TMEM132D: variants seen among roughly 807,000 people sequenced by gnomAD.
The protein encoded by TMEM132D is transmembrane protein 132D.
TMEM132D carries 21 observed loss-of-function variants against 62.3 expected under a neutral mutation model. The observed-to-expected ratio is 0.34, with a 90% CI of 0.24 to 0.49. The LOEUF is 0.49. TMEM132D is among the 20% of genes least tolerant of loss of function. The probability of loss-of-function intolerance (pLI) is 0.99; values close to 1 mark genes in which losing one functional copy is unlikely to be tolerated. For missense variants in TMEM132D, 1,346 were observed against 1,402.8 expected, an observed-to-expected ratio of 0.96 and a Z score of 0.65; for synonymous variants, 621 against 575.6, an observed-to-expected ratio of 1.08 and a Z score of -1.13.
At chr12:129,089,748 C>T (rs1337054340) in intron 5 of TMEM132D, among the ~76,000 whole-genome samples, 2 of 152,234 alleles carry the variant, frequency 1.3e-5, no homozygotes, top group Non-Finnish European at 2.9e-5. Context: ...CACAGCCACC[C>T]CAGCAGGCAC....
chr12:129,447,797 T>C (rs1873148957), intron 3 of TMEM132D, among the ~76,000 whole-genome samples: 1 of 152,114 alleles, frequency 6.6e-6, no homozygotes, highest in African/African-American at 2.4e-5. Flanking sequence ...GGAAACAGCA[T>C]CAGGTTCAGG....
At chr12:129,127,319 G>A (rs1026748038) in intron 5 of TMEM132D, among the ~76,000 whole-genome samples, 4 of 152,102 alleles carry the variant, frequency 2.6e-5, no homozygotes, top group Non-Finnish European at 4.4e-5. Context: ...ACCTCTTTGT[G>A]ACAAATGCCT....
chr12:129,318,125 C>T (rs1258985393), intron 4 of TMEM132D, among the ~76,000 whole-genome samples: 2 of 152,286 alleles, frequency 1.3e-5, no homozygotes, highest in African/African-American at 4.8e-5. Context: ...AACTAACCTC[C>T]TGAACTCTTT....
At position 129,517,500 on chromosome 12, in the gene TMEM132D, C is replaced by T. The variant is rs557559946; in HGVS notation, c.1115+13559G>A. Among the ~76,000 whole-genome samples, 3 of 152,202 alleles carry T rather than the reference C, an allele frequency of 2.0e-5. No individual in the cohort carries two copies. In the South Asian group the frequency reaches 6.2e-4, roughly 32 times the overall value. On this transcript the variant is annotated intron_variant, in intron 3 of 8. Coordinates refer to ENST00000422113, the MANE Select transcript of TMEM132D (RefSeq NM_133448.3). ...GGTGAGGAAGACAGAGAAGCCAGGGCCATTCAGTGGGGAAGACATTAGCTG... is the reference window on the plus strand; with the variant it reads ...GGTGAGGAAGACAGAGAAGCCAGGGTCATTCAGTGGGGAAGACATTAGCTG...
intron 3 of TMEM132D, among the ~76,000 whole-genome samples, chr12:129,492,391 T>C (rs144722344): frequency 1.6e-4 from 24 of 152,336 alleles, no homozygotes; most frequent in African/African-American, 5.8e-4. Flanking sequence ...AATTTGTCTA[T>C]AAAGTGATGG....
intron 1 of TMEM132D, among the ~76,000 whole-genome samples, chr12:129,751,066 C>T (rs1235137410): frequency 6.6e-6 from 1 of 152,122 alleles, no homozygotes; most frequent in African/African-American, 2.4e-5. Context: ...TCATTGTGGA[C>T]ATAATTCCTG....
At chr12:129,275,243 T>C (rs980412501) in intron 4 of TMEM132D, among the ~76,000 whole-genome samples, 1 of 152,108 alleles carries the variant, frequency 6.6e-6, no homozygotes, top group Non-Finnish European at 1.5e-5. Context: ...ATTGCACCAC[T>C]GCACTACAGC....
chr12:129,568,131 G>A (rs1207642828), intron 2 of TMEM132D, among the ~76,000 whole-genome samples: 6 of 152,252 alleles, frequency 3.9e-5, no homozygotes, highest in Non-Finnish European at 4.4e-5. Flanking sequence ...GGAACAGTCT[G>A]AGGATACAGC....
At chr12:129,139,499 A>G (rs1414038555) in intron 5 of TMEM132D, among the ~76,000 whole-genome samples, 1 of 152,196 alleles carries the variant, frequency 6.6e-6, no homozygotes, top group African/African-American at 2.4e-5. Context: ...TCAGGACAGC[A>G]GCAGAGAAAG....
At position 129,642,920 on chromosome 12, in the gene TMEM132D, C is replaced by CTTTTT. The variant is rs71082742; in HGVS notation, c.968+56885_968+56889dup. Among the ~76,000 whole-genome samples the CTTTTT allele has an allele frequency of 1.3e-3, 139 of 105,544 alleles. 2 individuals carry two copies. Among genetic ancestry groups the CTTTTT allele is most frequent in the Middle Eastern group, 6.8e-3 (1 of 148 alleles). The allele number at this position is 105,544 out of a possible 152,430, so 69.2% of individuals were successfully genotyped here. On this transcript the variant is annotated intron_variant, in intron 2 of 8. Coordinates refer to ENST00000422113, the MANE Select transcript of TMEM132D (RefSeq NM_133448.3). ...AGACACAACCAAAGAATTTACAAAT[C>CTTTTT]TTTTTTTTTTTTTTTTTTTTTGAGA...
Position 129,368,156 on chromosome 12 carries a change from C to G in TMEM132D, c.1116-30339G>C, listed in dbSNP as rs1022541144. ...TATAATTAAAATACCGAGTGACACT[C>G]CTGTTATCTGTCTGGTGGCTCAAAG... On this transcript the variant is annotated intron_variant, in intron 3 of 8. Coordinates refer to ENST00000422113, the MANE Select transcript of TMEM132D (RefSeq NM_133448.3). Among the ~76,000 whole-genome samples the G allele has an allele frequency of 3.3e-5, 5 of 152,238 alleles. No homozygotes were observed. The East Asian group carries it at 9.7e-4, about 29-fold the overall frequency.
intron 1 of TMEM132D, among the ~76,000 whole-genome samples, chr12:129,886,646 G>A (rs1307730197): frequency 2.0e-5 from 3 of 152,146 alleles, no homozygotes; most frequent in Non-Finnish European, 4.4e-5. Flanking sequence ...CAGGGCCAGG[G>A]AGAACACAAA....
At chr12:129,871,091 T>C (rs891108761) in intron 1 of TMEM132D, among the ~76,000 whole-genome samples, 1 of 152,190 alleles carries the variant, frequency 6.6e-6, no homozygotes, top group African/African-American at 2.4e-5. Context: ...ATTAGCCTGC[T>C]GACTGAGGGG....
At chr12:129,888,741 C>T (rs1469046620) in intron 1 of TMEM132D, among the ~76,000 whole-genome samples, 2 of 152,152 alleles carry the variant, frequency 1.3e-5, no homozygotes, top group African/African-American at 4.8e-5. Flanking sequence ...TGGACTGTTG[C>T]TGTCCTGTTA....
chr12:129,491,028 G>A (rs1874777960), intron 3 of TMEM132D, among the ~76,000 whole-genome samples: 1 of 152,056 alleles, frequency 6.6e-6, no homozygotes, highest in Admixed American at 6.5e-5. Context: ...TTTGAATGCT[G>A]GAATCTGGGC....
intron 5 of TMEM132D, among the ~76,000 whole-genome samples, chr12:129,184,127 C>T (rs1878153928): frequency 2.6e-5 from 4 of 152,178 alleles, no homozygotes; most frequent in African/African-American, 7.2e-5. Context: ...CTCATGTCAC[C>T]GTCTCACCCC....
intron 4 of TMEM132D, among the ~76,000 whole-genome samples, chr12:129,274,563 C>T (rs1232470970): frequency 6.6e-6 from 1 of 152,094 alleles, no homozygotes; most frequent in Non-Finnish European, 1.5e-5. Flanking sequence ...CAAGAAGATG[C>T]TCTGGAATTG....
intron 3 of TMEM132D, among the ~76,000 whole-genome samples, chr12:129,403,253 C>T (rs867950339): frequency 6.8e-5 from 10 of 146,778 alleles, no homozygotes; most frequent in African/African-American, 2.3e-4. Flanking sequence ...CTCCAGCCCG[C>T]GGAGGTTAGA....
rs184840726 is a variant in TMEM132D, at chr12:129,777,863, G to A, written c.80-77165C>T. The stretch of plus-strand genomic sequence containing the variant: ...CAGAAATCACTCTAGGCTGGGTATG[G>A]TGGCTCACCCCTGTAATCCCAGCAC... On this transcript the variant is annotated intron_variant, in intron 1 of 8. Transcript: ENST00000422113. Among the ~76,000 whole-genome samples, 328 of 152,162 alleles carry A rather than the reference G, an allele frequency of 2.2e-3. 1 individual carries two copies. Among genetic ancestry groups the A allele is most frequent in the Non-Finnish European group, 3.4e-3 (234 of 68,010 alleles).
Sources: gnomAD v4.1 joint callset for allele counts (sites outside exome capture counted in the v4.1 genomes callset) on GRCh38, gnomAD v4.1.1 for gene constraint, MANE v1.5 for transcripts, NCBI Gene and HGNC (gene_info 2026-07-23, HGNC 2026-07-21) for gene names.